ANK3: variants seen among roughly 807,000 people sequenced by gnomAD.
ANK3 encodes ankyrin 3, also known as ankyrin-3.
Under a neutral mutation model 370.9 loss-of-function variants are expected in ANK3, and 57 were observed. That is an observed-to-expected ratio of 0.15 (90% CI 0.12 to 0.19). The LOEUF (loss-of-function observed/expected upper bound fraction) is 0.19, where lower values mean the gene tolerates loss of function less well. ANK3 is among the 10% of genes least tolerant of loss of function. The pLI is 1.00. For missense variants in ANK3, 4,439 were observed against 5,302.1 expected, an observed-to-expected ratio of 0.84 and a Z score of 5.06; for synonymous variants, 1,929 against 1,946.3, an observed-to-expected ratio of 0.99 and a Z score of 0.23.
chr10:60,531,118 G>GT (rs2076596256), intron 2 of ANK3, among the ~76,000 whole-genome samples: 1 of 152,134 alleles, frequency 6.6e-6, no homozygotes, highest in African/African-American at 2.4e-5. Flanking sequence ...CAGATGTGAT[G>GT]TTTTTGGACT....
chr10:60,641,767 C>T (rs2078636493), intron 1 of ANK3, among the ~76,000 whole-genome samples: 1 of 152,066 alleles, frequency 6.6e-6, no homozygotes, highest in Non-Finnish European at 1.5e-5. Context: ...CAACAAAAGC[C>T]AAAATTGACA....
intron 17 of ANK3, among the ~76,000 whole-genome samples, chr10:60,182,548 G>A (rs2096226225): frequency 6.6e-6 from 1 of 152,198 alleles, no homozygotes; most frequent in East Asian, 1.9e-4. Flanking sequence ...GAGCACAGAA[G>A]TTAATATCTT....
At chr10:60,481,065 A>T (rs11816019) in intron 2 of ANK3, among the ~76,000 whole-genome samples, 12,277 of 152,198 alleles carry the variant, frequency 0.081, 633 homozygotes, top group South Asian at 0.17. Context: ...GAGATATTGC[A>T]TCTTGTGAAT....
intron 1 of ANK3, chr10:60,733,215 GC>G: frequency 1.6e-6 from 2 of 1,233,488 alleles, no homozygotes; most frequent in East Asian, 3.2e-5. Context: ...GTCCCCGCAT[GC>G]CCCTGGGTGA....
intron 42 of ANK3, among the ~76,000 whole-genome samples, chr10:60,054,015 C>T (rs1589303702): frequency 6.6e-6 from 1 of 152,164 alleles, no homozygotes; most frequent in African/African-American, 2.4e-5. Flanking sequence ...TTTTCCATTA[C>T]TGACAAACTC....
intron 41 of ANK3, among the ~76,000 whole-genome samples, chr10:60,058,495 G>T (rs1171411513): frequency 6.6e-6 from 1 of 152,164 alleles, no homozygotes; most frequent in Non-Finnish European, 1.5e-5. Flanking sequence ...TGGAAAAATA[G>T]AAGGATATGT....
chr10:60,380,730 G>T (rs956218547), intron 1 of ANK3, among the ~76,000 whole-genome samples: 1 of 152,062 alleles, frequency 6.6e-6, no homozygotes, highest in Non-Finnish European at 1.5e-5. Context: ...ATCACAGAGG[G>T]TCTATGATGA....
intron 2 of ANK3, among the ~76,000 whole-genome samples, chr10:60,520,821 A>G (rs1482173973): frequency 1.3e-5 from 2 of 152,162 alleles, no homozygotes; most frequent in Non-Finnish European, 2.9e-5. Flanking sequence ...AGTGAAAATC[A>G]AAAACAATTT....
chr10:60,141,253 T>C (rs1375235205), intron 23 of ANK3, among the ~76,000 whole-genome samples: 1 of 152,168 alleles, frequency 6.6e-6, no homozygotes, highest in Non-Finnish European at 1.5e-5. Flanking sequence ...ATGGGTGTTC[T>C]GCTTTATTTT....
At chr10:60,139,129 T>C (rs1322165017) in intron 23 of ANK3, 42 bp from the exon 24 acceptor site, 3 of 1,599,792 alleles carry the variant, frequency 1.9e-6, no homozygotes, top group South Asian at 1.1e-5. Context: ...AGCTTCCCTT[T>C]TGAAAGTGTC....
chr10:60,436,083 C>G (rs1053230368), intron 2 of ANK3, among the ~76,000 whole-genome samples: 2 of 102,306 alleles, frequency 2.0e-5, no homozygotes, highest in South Asian at 4.1e-4. Context: ...AACGAGACTC[C>G]GTCTCAAAAA....
chr10:60,298,719 A>G (rs1017513531), intron 1 of ANK3, among the ~76,000 whole-genome samples: 1 of 152,210 alleles, frequency 6.6e-6, no homozygotes, highest in Admixed American at 6.5e-5. Context: ...AGGAGGCAGA[A>G]ACAAGATGGT....
intron 2 of ANK3, among the ~76,000 whole-genome samples, chr10:60,532,247 T>G (rs1388191984): frequency 6.6e-6 from 1 of 152,168 alleles, no homozygotes; most frequent in East Asian, 1.9e-4. Context: ...CTCTGTTGAA[T>G]GTATGTGTGG....
At chr10:60,359,209 G>A (rs993144214) in intron 1 of ANK3, among the ~76,000 whole-genome samples, 5 of 152,062 alleles carry the variant, frequency 3.3e-5, no homozygotes, top group Non-Finnish European at 7.4e-5. Context: ...ATGGTAATGA[G>A]AAATAACAGT....
chr10:60,362,903 C>G (rs114319940), intron 1 of ANK3, among the ~76,000 whole-genome samples: 3 of 152,070 alleles, frequency 2.0e-5, no homozygotes, highest in African/African-American at 7.2e-5. Context: ...AGGCTTTACC[C>G]GGGGACATTA....
intron 1 of ANK3, among the ~76,000 whole-genome samples, chr10:60,326,765 T>C (rs907131855): frequency 2.6e-5 from 4 of 152,178 alleles, no homozygotes; most frequent in Non-Finnish European, 5.9e-5. Flanking sequence ...CTCATGCCTG[T>C]AATCCCAGCA....
chr10:60,719,421 C>T (rs192284720), intron 1 of ANK3, among the ~76,000 whole-genome samples: 2 of 152,000 alleles, frequency 1.3e-5, no homozygotes, highest in African/African-American at 4.8e-5. Flanking sequence ...AGAGATTAAC[C>T]ATTTGCCTAA....
At chr10:60,229,132 A>C (rs1272191141) in intron 8 of ANK3, among the ~76,000 whole-genome samples, 3 of 152,206 alleles carry the variant, frequency 2.0e-5, no homozygotes, top group African/African-American at 7.2e-5. Context: ...AGCTAGTGGC[A>C]TTTCATGATT....
intron 1 of ANK3, among the ~76,000 whole-genome samples, chr10:60,317,658 T>C (rs1481517709): frequency 6.6e-6 from 1 of 151,932 alleles, no homozygotes. Context: ...AATAACATCA[T>C]CAGATATATG....
Sources: allele counts gnomAD v4.1 joint callset (sites outside exome capture counted in the v4.1 genomes callset), GRCh38; gene constraint gnomAD v4.1.1; transcripts MANE v1.5; gene names NCBI Gene and HGNC (gene_info 2026-07-23, HGNC 2026-07-21).